DYNC1H1: variants seen among roughly 807,000 people sequenced by gnomAD.
The protein encoded by DYNC1H1 is dynein cytoplasmic 1 heavy chain 1.
A neutral mutation model predicts 527.1 loss-of-function variants in DYNC1H1; 51 were observed. That is an observed-to-expected ratio of 0.10 (90% CI 0.08 to 0.12). The LOEUF (loss-of-function observed/expected upper bound fraction) is 0.12. DYNC1H1 is among the 10% of genes least tolerant of loss of function. DYNC1H1 has a pLI of 1.00. For synonymous variants in DYNC1H1, 2,189 were observed against 2,278.8 expected (o/e 0.96, Z 1.12); for missense variants, 2,771 against 5,971.8 (o/e 0.46, Z 17.66).
intron 52 of DYNC1H1, chr14:102,032,815 C>T (rs112761468): frequency 3.8e-5 from 22 of 572,528 alleles, no homozygotes; most frequent in Middle Eastern, 4.7e-4. Context: ...ATCACACCAC[C>T]GCACTCCAGC....
In DYNC1H1 at chr14:102,041,372, C is replaced by G. The variant is rs2048647282; in HGVS notation, c.11942-202C>G. 2 of 755,414 alleles carry G rather than the reference C, an allele frequency of 2.6e-6. No homozygotes were observed. Among genetic ancestry groups the G allele is most frequent in the Admixed American group, 2.1e-5 (1 of 47,754 alleles). The allele number at this position is 755,414 out of a possible 1,614,324, so 46.8% of individuals were successfully genotyped here. A position where few individuals can be genotyped will look rare whatever the true frequency, so the allele number is the denominator to read the frequency against. ...TGGCACCTTTGTCCTATGGATACAT[C>G]CAGGTAGTAAGGTGTTCTCACAGGC... On this transcript the variant is annotated intron_variant, in intron 64 of 77. Coordinates refer to ENST00000360184, the MANE Select transcript of DYNC1H1 (RefSeq NM_001376.5). This position sits in a 1 kb window ranked among gnomAD's most constrained non-coding sequence, Gnocchi z 4.5.
rs926452135 is a variant in DYNC1H1, at chr14:101,990,671, T to G, written c.2869-856T>G. Among the ~76,000 whole-genome samples, 4 of 152,058 alleles carry G rather than the reference T, an allele frequency of 2.6e-5. No homozygotes were observed. In the East Asian group the frequency reaches 5.8e-4, roughly 22 times the overall value. On this transcript the variant is annotated intron_variant, in intron 10 of 77. Transcript: ENST00000360184. ...GGGCAGATCGCTTGAGCTCTGAAGT[T>G]TGAGACCAGCCTGGGCAACATGACG... is the stretch of plus-strand genomic sequence containing the variant.
intron 7 of DYNC1H1, among the ~76,000 whole-genome samples, chr14:101,984,371 GTGTGTGTGTGTATA>G (rs1183478983): frequency 7.0e-6 from 1 of 143,324 alleles, no homozygotes; most frequent in African/African-American, 2.7e-5. Flanking sequence ...TCTGTATTGT[GTGTGTGTGTGTATA>G]TATATATGCG....
rs1478425710 is a variant in DYNC1H1 at position 101,997,718 on chromosome 14, A to C, written c.3804+444A>C. On this transcript the variant is annotated intron_variant, in intron 16 of 77. Coordinates refer to ENST00000360184, the MANE Select transcript of DYNC1H1 (RefSeq NM_001376.5). This position sits in a 1 kb window ranked among gnomAD's most constrained non-coding sequence, Gnocchi z 4.8. ...GCCATTTAAACCTTCCACCACCCAG[A>C]AACTGCCACATCCACTTTTCTTCAT... Among the ~76,000 whole-genome samples the C allele has an allele frequency of 2.0e-5, 3 of 152,182 alleles. No homozygotes were observed. Among genetic ancestry groups the C allele is most frequent in the Non-Finnish European group, 2.9e-5 (2 of 68,052 alleles).
rs776582823 is a variant in DYNC1H1, at chr14:102,022,849, G to A, written c.8606G>A (p.Arg2869Gln). 8.1e-6 allele frequency: 13 copies of A among 1,614,194 alleles called. No homozygotes were observed. Among genetic ancestry groups the A allele is most frequent in the South Asian group, 1.1e-5 (1 of 91,074 alleles). ...ATCGACAGAGAGAAGGCAATGAGCC[G>A]ACCCATCTTGTACAGCAACTGGCTG... ...PNIDREKAMS[R>Q]PILYSNWLSK... is the part of the protein sequence containing the mutation. Residue 2869 changes from arginine to glutamine, a missense_variant, in exon 43 of 78, where the codon CGA becomes CAA. By Grantham distance (43) the Arg-to-Gln change is conservative. Around this residue, in one of 32 missense-constraint regions of DYNC1H1, gnomAD observed 163 missense variants for 346.9 expected, o/e 0.47. Coordinates refer to ENST00000360184, the MANE Select transcript of DYNC1H1 (RefSeq NM_001376.5).
At chr14:101,988,880 CTAA>C in intron 10 of DYNC1H1, 28 bp downstream of exon 10, 4 of 1,613,826 alleles carry the variant, frequency 2.5e-6, no homozygotes, top group Non-Finnish European at 3.4e-6. Flanking sequence ...ATTCTATTTA[CTAA>C]TAAGTGAAAT....
chr14:102,046,601 G>A (rs2048722836), intron 72 of DYNC1H1, among the ~76,000 whole-genome samples: 1 of 152,156 alleles, frequency 6.6e-6, no homozygotes, highest in African/African-American at 2.4e-5. Context: ...GGCAGTCACA[G>A]GCCAAGGGAC....
At position 102,001,431 on chromosome 14, in the gene DYNC1H1, GCC is replaced by G; in HGVS notation, c.4395+78_4395+79del. ...TAGATCTGAGCTATGTAAAAATGGAGCCTTGTCATCTGTGGTCCTTTTGGTTC... is the reference window on the plus strand; with the variant it reads ...TAGATCTGAGCTATGTAAAAATGGAGTTGTCATCTGTGGTCCTTTTGGTTC... On this transcript the variant is annotated intron_variant, in intron 20 of 77. Transcript: ENST00000360184. The surrounding 1 kb of genome is among the most constrained non-coding windows in gnomAD (Gnocchi z 5.0). 6.2e-7 allele frequency: 1 copy of G among 1,613,084 alleles called. No homozygotes were observed. Among genetic ancestry groups the G allele is most frequent in the Non-Finnish European group, 8.5e-7 (1 of 1,179,224 alleles).
rs767780325 is a variant in DYNC1H1 at position 102,034,205 on chromosome 14, G to C, written c.10626+17G>C. On this transcript the variant is annotated intron_variant, in intron 55 of 77. Coordinates refer to ENST00000360184, the MANE Select transcript of DYNC1H1 (RefSeq NM_001376.5). ...AACATCCAGGTGAGAATCACGGGGA[G>C]TTCAAAAAGGATGTGCGAGCAGTGT... 5 of 1,614,230 alleles carry C rather than the reference G, an allele frequency of 3.1e-6. No individual in the cohort carries two copies. Among genetic ancestry groups the C allele is most frequent in the Non-Finnish European group, 4.2e-6 (5 of 1,180,038 alleles).
intron 2 of DYNC1H1, among the ~76,000 whole-genome samples, chr14:101,977,593 A>G (rs1022821518): frequency 9.2e-5 from 14 of 152,170 alleles, no homozygotes; most frequent in Middle Eastern, 3.2e-3. Context: ...AATTGTCTCA[A>G]TGATGTCCCT....
chr14:102,011,061 AG>A lies in DYNC1H1; in HGVS notation c.6618+111del, dbSNP rs1270621775. On this transcript the variant is annotated intron_variant, in intron 32 of 77. Coordinates refer to ENST00000360184, the MANE Select transcript of DYNC1H1 (RefSeq NM_001376.5). This position sits in a 1 kb window ranked among gnomAD's most constrained non-coding sequence, Gnocchi z 5.3. ...ATGAAACTGTCCACAAAGGCTGTGG[AG>A]GTGCATAATATGCTTTATGAAGATT... The A allele has an allele frequency of 8.4e-7, 1 of 1,185,120 alleles. No individual in the cohort carries two copies. Among genetic ancestry groups the A allele is most frequent in the African/African-American group, 1.5e-5 (1 of 66,558 alleles). The allele number at this position is 1,185,120 out of a possible 1,614,324, so 73.4% of individuals were successfully genotyped here.
intron 7 of DYNC1H1, among the ~76,000 whole-genome samples, chr14:101,984,431 G>GTGTGTGTGTA (rs1278450270): frequency 4.8e-5 from 4 of 82,802 alleles, no homozygotes; most frequent in African/African-American, 8.5e-5. Context: ...GTGTGTGTGT[G>GTGTGTGTGTA]TATATATATA....
Position 102,011,625 on chromosome 14 carries a change from G to A in DYNC1H1, c.6619-250G>A, listed in dbSNP as rs766698255. The stretch of plus-strand genomic sequence containing the variant: ...TGCCTTTAATAATCCATAGATAGGC[G>A]CTTGTAAAGCCAGCTACTTGGGAGA... On this transcript the variant is annotated intron_variant, in intron 32 of 77. Transcript: ENST00000360184. This position sits in a 1 kb window ranked among gnomAD's most constrained non-coding sequence, Gnocchi z 5.3. 20 of 511,708 alleles carry A rather than the reference G, an allele frequency of 3.9e-5. No homozygotes were observed. The highest frequency in any genetic ancestry group is 5.5e-4 in the Middle Eastern group (1 of 1,826). 31.7% of individuals were successfully genotyped at this position (511,708 alleles called of 1,614,324 possible).
chr14:102,046,782 T>C (rs2048725468), intron 72 of DYNC1H1, among the ~76,000 whole-genome samples: 1 of 150,422 alleles, frequency 6.6e-6, no homozygotes, highest in Non-Finnish European at 1.5e-5. Context: ...GTCTTTGGAC[T>C]CGGGCTGCTG....
chr14:102,031,884 G>A (rs997964557), intron 51 of DYNC1H1, among the ~76,000 whole-genome samples: 1 of 152,170 alleles, frequency 6.6e-6, no homozygotes, highest in African/African-American at 2.4e-5. Context: ...AACCTGGGAG[G>A]CAGAGGTTGC....
Position 102,047,641 on chromosome 14 carries a change from G to GTATATATATATATATATATATATA in DYNC1H1, c.13007-153_13007-152insATATATATATATATATATATATAT, listed in dbSNP as rs71116874. The GTATATATATATATATATATATATA allele has an allele frequency of 2.2e-4, 71 of 316,678 alleles. 2 individuals are homozygous for GTATATATATATATATATATATATA. The highest frequency in any genetic ancestry group is 1.7e-3 in the African/African-American group (44 of 25,494). The allele number at this position is 316,678 out of a possible 1,614,324, so 19.6% of individuals were successfully genotyped here. A position where few individuals can be genotyped will look rare whatever the true frequency, so the allele number is the denominator to read the frequency against. On this transcript the variant is annotated intron_variant, in intron 72 of 77. Coordinates refer to ENST00000360184, the MANE Select transcript of DYNC1H1 (RefSeq NM_001376.5). ...TACACGTGTGTGTGTGTGTGTGTGT[G>GTATATATATATATATATATATATA]TATATATATATATATATATATATGT...
rs2048537189 is a variant in DYNC1H1, at chr14:102,033,737, G to A, written c.10414-239G>A. The A allele has an allele frequency of 4.4e-6, 3 of 680,852 alleles. No homozygotes were observed. Among genetic ancestry groups the A allele is most frequent in the Non-Finnish European group, 7.5e-6 (3 of 398,930 alleles). 42.2% of individuals were successfully genotyped at this position (680,852 alleles called of 1,614,324 possible). On this transcript the variant is annotated intron_variant, in intron 54 of 77. Transcript: ENST00000360184. The surrounding 1 kb of genome is among the most constrained non-coding windows in gnomAD (Gnocchi z 5.6). ...CCCACCAGCAGCTCCAGACCTGTTTGCTCTGCTGCCTGAGGGCCTCGCTCC... is the reference window on the plus strand; with the variant it reads ...CCCACCAGCAGCTCCAGACCTGTTTACTCTGCTGCCTGAGGGCCTCGCTCC...
In DYNC1H1 at chr14:102,049,600, G is replaced by A. The variant is rs200633553; in HGVS notation, c.13515+18G>A. The A allele has an allele frequency of 1.4e-4, 220 of 1,613,714 alleles. 3 individuals carry two copies. In the East Asian group the frequency reaches 2.3e-3, roughly 17 times the overall value. On this transcript the variant is annotated intron_variant, in intron 75 of 77. Coordinates refer to ENST00000360184, the MANE Select transcript of DYNC1H1 (RefSeq NM_001376.5). This position sits in a 1 kb window ranked among gnomAD's most constrained non-coding sequence, Gnocchi z 5.5. The stretch of plus-strand genomic sequence containing the variant: ...AGCTAAAGGTGAAGGCGCTCCTGAC[G>A]AGTCTCGGGTGGTCAGCAGCTGTCC...
chr14:102,052,079 C>T lies in DYNC1H1; in HGVS notation c.*1516C>T, dbSNP rs1456581714. Reference sequence around the variant, plus strand: ...CTGGCATTAAGGGCTCCTCCTATCTCAGCCTCTCAAAGTGCCGGGGTTCTA... The same window carrying T: ...CTGGCATTAAGGGCTCCTCCTATCTTAGCCTCTCAAAGTGCCGGGGTTCTA... On this transcript the variant is annotated 3_prime_UTR_variant, in exon 78 of 78. Coordinates refer to ENST00000360184, the MANE Select transcript of DYNC1H1 (RefSeq NM_001376.5). 3 of 152,268 alleles carry T rather than the reference C, an allele frequency of 2.0e-5. No individual in the cohort carries two copies. Among genetic ancestry groups the T allele is most frequent in the African/African-American group, 7.2e-5 (3 of 41,550 alleles). 9.4% of individuals were successfully genotyped at this position (152,268 alleles called of 1,614,324 possible). A position where few individuals can be genotyped will look rare whatever the true frequency, so the allele number is the denominator to read the frequency against.
Sources: gnomAD v4.1 joint callset for allele counts (sites outside exome capture counted in the v4.1 genomes callset) on GRCh38, gnomAD v4.1.1 for gene constraint, gnomAD v4.1.1 regional missense constraint, Gnocchi (gnomAD v3.1) non-coding constraint, MANE v1.5 for transcripts, NCBI Gene and HGNC (gene_info 2026-07-23, HGNC 2026-07-21) for gene names.